The following CABP7 variants were observed in gnomAD, a reference collection of about 807,000 sequenced individuals.
CABP7 encodes calcium-binding protein 7.
In CABP7, 13 loss-of-function variants were observed where a neutral mutation model predicts 23.1. That is an observed-to-expected ratio of 0.56 (90% CI 0.37 to 0.90). CABP7 has a LOEUF of 0.90. Ranked by LOEUF, CABP7 falls within the 40% of genes least tolerant of loss-of-function variation. CABP7 has a pLI of 0.01. For synonymous variants in CABP7, 123 were observed against 115.3 expected (o/e 1.07, Z -0.43); for missense variants, 248 against 295.6 (o/e 0.84, Z 1.18).
At position 29,727,497 on chromosome 22, in the gene CABP7, C is replaced by T. The variant is rs1230613906; in HGVS notation, c.110-165C>T. On this transcript the variant is annotated intron_variant, in intron 1 of 4. Transcript: ENST00000216144. The surrounding 1 kb of genome is among the most constrained non-coding windows in gnomAD (Gnocchi z 4.2). The stretch of plus-strand genomic sequence containing the variant: ...CAGCCTGCCCAGAGGTCCCAGAATA[C>T]GGCACCCTTGTGCACCCTCGGGCCA... Among the ~76,000 whole-genome samples, 2 of 152,198 alleles carry T rather than the reference C, an allele frequency of 1.3e-5. No homozygotes were observed. The highest frequency in any genetic ancestry group is 1.9e-4 in the East Asian group (1 of 5,192).
In CABP7 at chr22:29,731,199, G is replaced by A. The variant is rs373784620; in HGVS notation, c.*1630G>A. 16 of 1,473,564 alleles carry A rather than the reference G, an allele frequency of 1.1e-5. No individual in the cohort carries two copies. The highest frequency in any genetic ancestry group is 2.7e-5 in the East Asian group (1 of 36,614). The allele number at this position is 1,473,564 out of a possible 1,614,324, so 91.3% of individuals were successfully genotyped here. The stretch of plus-strand genomic sequence containing the variant: ...TGTGACTGATGAGAAAAGTGACCAC[G>A]TGGGGGTCAGTCGGGGGCAAGGGGC... On this transcript the variant is annotated 3_prime_UTR_variant, in exon 5 of 5. Transcript: ENST00000216144.
rs1047760559 is a variant in CABP7 at position 29,730,057 on chromosome 22, CA to C, written c.*489del. On this transcript the variant is annotated 3_prime_UTR_variant, in exon 5 of 5. Coordinates refer to ENST00000216144, the MANE Select transcript of CABP7 (RefSeq NM_182527.3). ...CTTCTCCTGGGGGAGGGTGGGAAGCCAGGGTGTCCTGGGCCTTGCTGCCTGG... is the reference window on the plus strand; with the variant it reads ...CTTCTCCTGGGGGAGGGTGGGAAGCCGGGTGTCCTGGGCCTTGCTGCCTGG... 1.9e-5 allele frequency: 3 copies of C among 156,854 alleles called. No individual in the cohort carries two copies. The highest frequency in any genetic ancestry group is 7.2e-5 in the African/African-American group (3 of 41,488). The allele number at this position is 156,854 out of a possible 1,614,324, so 9.7% of individuals were successfully genotyped here. A position where few individuals can be genotyped will look rare whatever the true frequency, so the allele number is the denominator to read the frequency against.
At chr22:29,728,151 C>A (rs954920045) in intron 2 of CABP7, among the ~76,000 whole-genome samples, 1 of 152,220 alleles carries the variant, frequency 6.6e-6, no homozygotes, top group African/African-American at 2.4e-5. Flanking sequence ...TGTTTGCCAC[C>A]TGGCATTTTA....
Position 29,731,252 on chromosome 22 carries a change from A to G in CABP7, c.*1683A>G. 6.6e-7 allele frequency: 1 copy of G among 1,512,922 alleles called. No individual in the cohort carries two copies. 93.7% of individuals were successfully genotyped at this position (1,512,922 alleles called of 1,614,324 possible). ...AGCCCCACTGGACTCTGGGCTGCAGAGGCCACCCCCCAGGTGGGGGTGCCC... is the reference window on the plus strand; with the variant it reads ...AGCCCCACTGGACTCTGGGCTGCAGGGGCCACCCCCCAGGTGGGGGTGCCC... On this transcript the variant is annotated 3_prime_UTR_variant, in exon 5 of 5. Coordinates refer to ENST00000216144, the MANE Select transcript of CABP7 (RefSeq NM_182527.3).
At chr22:29,723,973 A>T (rs1432155321) in intron 1 of CABP7, among the ~76,000 whole-genome samples, 1 of 152,168 alleles carries the variant, frequency 6.6e-6, no homozygotes, top group East Asian at 1.9e-4. Flanking sequence ...GGTGGCAGGT[A>T]GGGGGCAGGT....
Position 29,727,898 on chromosome 22 carries a change from A to C in CABP7, c.253+93A>C. The C allele has an allele frequency of 1.4e-6, 2 of 1,422,956 alleles. No homozygotes were observed. The highest frequency in any genetic ancestry group is 9.4e-7 in the Non-Finnish European group (1 of 1,061,506). The allele number at this position is 1,422,956 out of a possible 1,614,324, so 88.1% of individuals were successfully genotyped here. On this transcript the variant is annotated intron_variant, in intron 2 of 4. Transcript: ENST00000216144. The surrounding 1 kb of genome is among the most constrained non-coding windows in gnomAD (Gnocchi z 4.2). ...GCCTGAGCTGCTGAGGCTGCATCCA[A>C]ATTGGGTCTCTCGCTCCCCTGACTC...
chr22:29,725,947 G>A (rs1601707577), intron 1 of CABP7, among the ~76,000 whole-genome samples: 1 of 152,176 alleles, frequency 6.6e-6, no homozygotes, highest in South Asian at 2.1e-4. Flanking sequence ...AGCAGCCTCC[G>A]TGGCTGACAG....
Position 29,720,791 on chromosome 22 carries a change from C to T in CABP7, c.109+258C>T, listed in dbSNP as rs1003340529. On this transcript the variant is annotated intron_variant, in intron 1 of 4. Coordinates refer to ENST00000216144, the MANE Select transcript of CABP7 (RefSeq NM_182527.3). This position sits in a 1 kb window ranked among gnomAD's most constrained non-coding sequence, Gnocchi z 5.2. ...AGCGCTGCGGAAACTTGCCGGGCCC[C>T]GCAGCGGGGTCACGGGGCCGCGCAG... 3.3e-5 allele frequency among the ~76,000 whole-genome samples: 5 copies of T among 151,370 alleles called. No homozygotes were observed. Among genetic ancestry groups the T allele is most frequent in the Non-Finnish European group, 5.9e-5 (4 of 67,664 alleles).
In CABP7 at chr22:29,727,624, C is replaced by G. The variant is rs1248206409; in HGVS notation, c.110-38C>G. On this transcript the variant is annotated intron_variant, in intron 1 of 4. Coordinates refer to ENST00000216144, the MANE Select transcript of CABP7 (RefSeq NM_182527.3). This position sits in a 1 kb window ranked among gnomAD's most constrained non-coding sequence, Gnocchi z 4.2. ...GTCTGGAAAGGGGGTCTGTTGGGGACCGGGGTGAAGTCCCAGCCTACTCCA... is the reference window on the plus strand; with the variant it reads ...GTCTGGAAAGGGGGTCTGTTGGGGAGCGGGGTGAAGTCCCAGCCTACTCCA... 2 of 1,611,722 alleles carry G rather than the reference C, an allele frequency of 1.2e-6. No individual in the cohort carries two copies. Among genetic ancestry groups the G allele is most frequent in the Non-Finnish European group, 8.5e-7 (1 of 1,178,936 alleles).
At chr22:29,726,210 C>T (rs1224486502) in intron 1 of CABP7, among the ~76,000 whole-genome samples, 4 of 152,166 alleles carry the variant, frequency 2.6e-5, no homozygotes, top group African/African-American at 7.2e-5. Flanking sequence ...CAGGCAACCC[C>T]GGTGCACATG....
At position 29,729,446 on chromosome 22, in the gene CABP7, C is replaced by T. The variant is rs1234267681; in HGVS notation, c.525C>T (p.Cys175=). 6.2e-7 allele frequency: 1 copy of T among 1,609,996 alleles called. No homozygotes were observed. Residue 175 remains cysteine (C), a synonymous_variant, in exon 5 of 5, where the codon TGC becomes TGT. Coordinates refer to ENST00000216144, the MANE Select transcript of CABP7 (RefSeq NM_182527.3). The stretch of plus-strand genomic sequence containing the variant: ...GCTCCCGGCGGGCGGCCACAGCCTG[C>T]TCCAACCAGCAGATCCGCCAGACTT... ...AEECPVDVET[C]SNQQIRQTCV... is the part of the protein sequence containing the mutation.
At position 29,729,156 on chromosome 22, in the gene CABP7, G is replaced by A. The variant is rs761067040; in HGVS notation, c.468G>A (p.Thr156=). ...AGGACATAGAGAACATCATCATGAC[G>A]GAGGAGGAGAGCCACCTGGGCACAG... The part of the protein sequence containing the change: ...SMKDIENIIM[T]EEESHLGTAE... Residue 156 remains threonine, a synonymous_variant, in exon 4 of 5, where the codon ACG becomes ACA. Coordinates refer to ENST00000216144, the MANE Select transcript of CABP7 (RefSeq NM_182527.3). 38 of 1,611,146 alleles carry A rather than the reference G, an allele frequency of 2.4e-5. No individual in the cohort carries two copies. Among genetic ancestry groups the A allele is most frequent in the African/African-American group, 1.6e-4 (12 of 74,860 alleles).
intron 1 of CABP7, among the ~76,000 whole-genome samples, chr22:29,721,187 A>G (rs2147204788): frequency 6.6e-6 from 1 of 152,202 alleles, no homozygotes; most frequent in Admixed American, 6.5e-5. Flanking sequence ...CAAGCCTGGA[A>G]GGGAAAGGCA....
chr22:29,724,612 C>T (rs2067782612), intron 1 of CABP7, among the ~76,000 whole-genome samples: 1 of 152,156 alleles, frequency 6.6e-6, no homozygotes, highest in African/African-American at 2.4e-5. Context: ...CTGAACCCGG[C>T]CTCTGTGGGC....
chr22:29,722,325 C>A (rs1035688117), intron 1 of CABP7, among the ~76,000 whole-genome samples: 1 of 152,220 alleles, frequency 6.6e-6, no homozygotes, highest in Non-Finnish European at 1.5e-5. Flanking sequence ...AGGCCGCAGG[C>A]TCCCCAACCA....
rs767776090 is a variant in CABP7 at position 29,729,071 on chromosome 22, T to C, written c.383T>C (p.Leu128Pro). ...TVFWKCDMQK[L>P]TVDELKRLLY... ...CTCCGCAAGTGCGACATGCAGAAGC[T>C]GACGGTGGATGAGCTGAAGCGGCTG... Residue 128 changes from leucine (L) to proline (P), a missense_variant, in exon 4 of 5, where the codon CTG becomes CCG. Physicochemically the swap from Leu to Pro is moderately conservative, Grantham distance 98. Coordinates refer to ENST00000216144, the MANE Select transcript of CABP7 (RefSeq NM_182527.3). 1.8e-5 allele frequency: 29 copies of C among 1,611,168 alleles called. No homozygotes were observed. The highest frequency in any genetic ancestry group is 2.4e-5 in the Non-Finnish European group (28 of 1,179,620).
chr22:29,729,608 G>C lies in CABP7; in HGVS notation c.*39G>C. 6.3e-7 allele frequency: 1 copy of C among 1,599,484 alleles called. No individual in the cohort carries two copies. Among genetic ancestry groups the C allele is most frequent in the Non-Finnish European group, 8.5e-7 (1 of 1,177,746 alleles). On this transcript the variant is annotated 3_prime_UTR_variant, in exon 5 of 5. Coordinates refer to ENST00000216144, the MANE Select transcript of CABP7 (RefSeq NM_182527.3). ...GCCCCATCCACCGCATGCGGTGCCC[G>C]TGGCCCGCCCCACACCACCGCCGCC...
At chr22:29,723,927 C>A (rs2147206076) in intron 1 of CABP7, among the ~76,000 whole-genome samples, 1 of 152,298 alleles carries the variant, frequency 6.6e-6, no homozygotes, top group South Asian at 2.1e-4. Context: ...TGAAACTCCA[C>A]AGGTTGAGAA....
intron 3 of CABP7, 59 bp downstream of exon 3, chr22:29,728,801 C>G (rs2067814530): frequency 1.6e-6 from 2 of 1,287,974 alleles, no homozygotes; most frequent in South Asian, 1.2e-5. Flanking sequence ...TGTTCTGGAG[C>G]CAGTGAATGG....
Sources: gnomAD v4.1 joint callset for allele counts (sites outside exome capture counted in the v4.1 genomes callset) on GRCh38, gnomAD v4.1.1 for gene constraint, Gnocchi (gnomAD v3.1) non-coding constraint, MANE v1.5 for transcripts, NCBI Gene and HGNC (gene_info 2026-07-23, HGNC 2026-07-21) for gene names.